The following IFNGR1 variants were observed in gnomAD, a reference collection of about 807,000 sequenced individuals.
The protein encoded by IFNGR1 is AVP, type 2.
IFNGR1 carries 23 observed loss-of-function variants against 35.4 expected under a neutral mutation model. The observed-to-expected ratio is 0.65, with a 90% CI of 0.47 to 0.92. The LOEUF is 0.92. Among genes scored for constraint, IFNGR1 ranks in the 40% least tolerant of loss-of-function variants. The pLI is 0.00. For missense variants in IFNGR1, 533 were observed against 583.4 expected, an observed-to-expected ratio of 0.91 and a Z score of 0.89; for synonymous variants, 199 against 209.5, an observed-to-expected ratio of 0.95 and a Z score of 0.43.
In IFNGR1 at chr6:137,204,486, T is replaced by C; in HGVS notation, c.392A>G (p.Lys131Arg). Residue 131 changes from lysine (K) to arginine (R), a missense_variant, in exon 4 of 7, where the codon AAA becomes AGA. By Grantham distance (26) the Lys-to-Arg change is conservative (BLOSUM62 2). Coordinates refer to ENST00000367739, the MANE Select transcript of IFNGR1 (RefSeq NM_000416.3). Reference sequence around the variant, plus strand: ...CTTCTCCTCCTTTCTGATATCCAGTTTAGGTGGTCCAATTTTTCCTGGGGA... The same window carrying C: ...CTTCTCCTCCTTTCTGATATCCAGTCTAGGTGGTCCAATTTTTCCTGGGGA... Reference protein sequence around the residue: ...VCRDGKIGPPKLDIRKEEKQI... With the variant: ...VCRDGKIGPPRLDIRKEEKQI... The C allele has an allele frequency of 6.2e-7, 1 of 1,613,810 alleles. No homozygotes were observed.
At chr6:137,215,413 T>A in intron 1 of IFNGR1, 1 of 1,363,476 alleles carries the variant, frequency 7.3e-7, no homozygotes. Flanking sequence ...AATGAATAAT[T>A]TCTTAAAAAT....
At chr6:137,204,253 A>G in intron 4 of IFNGR1, 79 bp downstream of exon 4, 1 of 1,170,340 alleles carries the variant, frequency 8.5e-7, no homozygotes, top group Non-Finnish European at 1.3e-6. Context: ...TAAGCATCCT[A>G]TTTTCATTAC....
chr6:137,214,983 G>T (rs72977690), intron 1 of IFNGR1, among the ~76,000 whole-genome samples: 174 of 152,216 alleles, frequency 1.1e-3, no homozygotes, highest in Non-Finnish European at 2.0e-3. Context: ...AATATTTAAA[G>T]ATATATTTGT....
chr6:137,207,789 A>T (rs1779476901), intron 1 of IFNGR1, among the ~76,000 whole-genome samples: 2 of 152,202 alleles, frequency 1.3e-5, no homozygotes, highest in Admixed American at 6.5e-5. Context: ...TATCAGCAGC[A>T]TGAAAAAGGA....
chr6:137,209,079 T>A (rs1779515171), intron 1 of IFNGR1, among the ~76,000 whole-genome samples: 1 of 152,222 alleles, frequency 6.6e-6, no homozygotes, highest in Non-Finnish European at 1.5e-5. Flanking sequence ...CCCACTGGAT[T>A]ATGGACTTGC....
chr6:137,202,650 T>C (rs976689298), intron 5 of IFNGR1, among the ~76,000 whole-genome samples: 7 of 137,376 alleles, frequency 5.1e-5, no homozygotes, highest in East Asian at 2.4e-4. Context: ...CACACAAAGA[T>C]AATCATCAAA....
Position 137,215,387 on chromosome 6 carries a change from T to C in IFNGR1, c.85+3856A>G, listed in dbSNP as rs1779668922. 7 of 1,472,320 alleles carry C rather than the reference T, an allele frequency of 4.8e-6. No individual in the cohort carries two copies. The East Asian group carries it at 1.5e-4, about 31-fold the overall frequency. The allele number at this position is 1,472,320 out of a possible 1,614,324, so 91.2% of individuals were successfully genotyped here. ...AATTATATTATGGCCACTGCAAAAGTTGAACAATGCATTAAAATGAATAAT... is the reference window on the plus strand; with the variant it reads ...AATTATATTATGGCCACTGCAAAAGCTGAACAATGCATTAAAATGAATAAT... On this transcript the variant is annotated intron_variant, in intron 1 of 6. Transcript: ENST00000367739.
intron 6 of IFNGR1, among the ~76,000 whole-genome samples, chr6:137,199,528 A>AATATATTATATATT (rs1278162250): frequency 1.6e-4 from 6 of 36,898 alleles, no homozygotes; most frequent in South Asian, 9.5e-4. Flanking sequence ...TATTATATAT[A>AATATATTATATATT]ATATATAATA....
rs539500813 is a variant in IFNGR1 at position 137,209,395 on chromosome 6, G to A, written c.86-2318C>T. Among the ~76,000 whole-genome samples the A allele has an allele frequency of 1.1e-4, 17 of 152,228 alleles. 1 individual carries two copies. In the South Asian group the frequency reaches 2.1e-3, roughly 19 times the overall value. On this transcript the variant is annotated intron_variant, in intron 1 of 6. Coordinates refer to ENST00000367739, the MANE Select transcript of IFNGR1 (RefSeq NM_000416.3). ...TATGGTTTGGTTGTGTGTCCCCACCGAAATCTCAACTTGAATTGTATCTCT... is the reference window on the plus strand; with the variant it reads ...TATGGTTTGGTTGTGTGTCCCCACCAAAATCTCAACTTGAATTGTATCTCT...
At position 137,198,525 on chromosome 6, in the gene IFNGR1, A is replaced by G; in HGVS notation, c.976T>C (p.Leu326=). 6.2e-7 allele frequency: 1 copy of G among 1,614,032 alleles called. No homozygotes were observed. The highest frequency in any genetic ancestry group is 8.5e-7 in the Non-Finnish European group (1 of 1,179,938). The stretch of plus-strand genomic sequence containing the variant: ...ATGCCTGGAACTGTTGCTGGAGACA[A>G]CGGCTCTTCACAGACCACCTCCTTT... ...LEKEVVCEEP[L]SPATVPGMHT... The change falls in exon 7 of 7, where the codon TTG becomes CTG. Residue 326 remains leucine (L), a synonymous_variant. Coordinates refer to ENST00000367739, the MANE Select transcript of IFNGR1 (RefSeq NM_000416.3).
intron 1 of IFNGR1, among the ~76,000 whole-genome samples, chr6:137,214,576 C>G (rs561743840): frequency 6.6e-6 from 1 of 152,310 alleles, no homozygotes; most frequent in South Asian, 2.1e-4. Context: ...CCTCGCACCA[C>G]CACCAAGTTG....
Position 137,206,289 on chromosome 6 carries a change from TCC to T in IFNGR1, c.218_219del (p.Trp73TyrfsTer2). 6.2e-7 allele frequency: 1 copy of T among 1,606,724 alleles called. No individual in the cohort carries two copies. Among genetic ancestry groups the T allele is most frequent in the Non-Finnish European group, 8.5e-7 (1 of 1,173,224 alleles). On this transcript the variant is annotated frameshift_variant, in exon 3 of 7. Coordinates refer to ENST00000367739, the MANE Select transcript of IFNGR1 (RefSeq NM_000416.3). LOFTEE classifies it high-confidence loss of function. ...VKNYGVKNSE[W>X]IDACINISHH... is the part of the protein sequence containing the mutation. ...TGAGAAATATTGATGCAGGCATCAATCCATTCTGAATTCTTAACACTAAAAAG... is the reference window on the plus strand; with the variant it reads ...TGAGAAATATTGATGCAGGCATCAATATTCTGAATTCTTAACACTAAAAAG...
At chr6:137,209,769 T>C (rs928205903) in intron 1 of IFNGR1, 4 of 398,788 alleles carry the variant, frequency 1.0e-5, no homozygotes, top group Admixed American at 4.4e-5. Flanking sequence ...AATTTCACTC[T>C]AAAATACCAT....
intron 3 of IFNGR1, among the ~76,000 whole-genome samples, chr6:137,205,755 T>G (rs980565435): frequency 6.6e-6 from 1 of 152,144 alleles, no homozygotes. Context: ...TTGTGGGGCT[T>G]GAAAGAAGGG....
intron 1 of IFNGR1, among the ~76,000 whole-genome samples, chr6:137,217,560 T>C (rs1475813641): frequency 2.0e-5 from 3 of 152,180 alleles, no homozygotes; most frequent in African/African-American, 7.2e-5. Flanking sequence ...ACTCAGAAGC[T>C]GTCAGCATCC....
chr6:137,215,693 AACAC>A (rs145759443), intron 1 of IFNGR1, among the ~76,000 whole-genome samples: 1 of 150,784 alleles, frequency 6.6e-6, no homozygotes, highest in Non-Finnish European at 1.5e-5. Flanking sequence ...TTCATACACA[AACAC>A]ACACACACAC....
chr6:137,199,476 T>C (rs1349396582), intron 6 of IFNGR1, among the ~76,000 whole-genome samples: 1 of 104,058 alleles, frequency 9.6e-6, no homozygotes, highest in African/African-American at 3.6e-5. Context: ...ATATAAAATA[T>C]ATAATTTATA....
intron 6 of IFNGR1, among the ~76,000 whole-genome samples, chr6:137,199,452 A>T (rs1582629204): frequency 1.0e-5 from 1 of 99,510 alleles, no homozygotes; most frequent in African/African-American, 3.7e-5. Flanking sequence ...TATATAAAAT[A>T]TATAACTTAT....
chr6:137,214,801 A>C (rs1779653049), intron 1 of IFNGR1, among the ~76,000 whole-genome samples: 1 of 152,210 alleles, frequency 6.6e-6, no homozygotes, highest in Non-Finnish European at 1.5e-5. Flanking sequence ...TGAGGAAATG[A>C]AAAAACAATG....
Sources: gnomAD v4.1 joint callset for allele counts (sites outside exome capture counted in the v4.1 genomes callset) on GRCh38, gnomAD v4.1.1 for gene constraint, MANE v1.5 for transcripts, NCBI Gene and HGNC (gene_info 2026-07-23, HGNC 2026-07-21) for gene names.